Variants in VPS53 observed in about 807,000 individuals in gnomAD.
The protein encoded by VPS53 is vacuolar protein sorting-associated protein 53 homolog.
VPS53 carries 70 observed loss-of-function variants against 107.0 expected under a neutral mutation model. The ratio of observed to expected loss-of-function variants is 0.65; its 90% CI spans 0.54 to 0.80. The LOEUF (loss-of-function observed/expected upper bound fraction) is 0.80. Among genes scored for constraint, VPS53 ranks in the 30% least tolerant of loss-of-function variants. The probability of loss-of-function intolerance (pLI) is 0.00; values close to 1 mark genes in which losing one functional copy is unlikely to be tolerated. For synonymous variants in VPS53, 409 were observed against 393.3 expected, an observed-to-expected ratio of 1.04 and a Z score of -0.47; for missense variants, 917 against 1,049.4, an observed-to-expected ratio of 0.87 and a Z score of 1.74.
At position 518,282 on chromosome 17, in the gene VPS53, G is replaced by A. The variant is rs1343328508; in HGVS notation, c.*846C>T. 3 of 136,472 alleles carry A rather than the reference G, an allele frequency of 2.2e-5. No homozygotes were observed. The highest frequency in any genetic ancestry group is 9.8e-5 in the African/African-American group (3 of 30,714). 8.5% of individuals were successfully genotyped at this position (136,472 alleles called of 1,614,324 possible). A position where few individuals can be genotyped will look rare whatever the true frequency, so the allele number is the denominator to read the frequency against. The stretch of plus-strand genomic sequence containing the variant: ...CAGAGAGCCCGCGGTGGACAGGAAG[G>A]GCGGGGGGGGCGGGCAGGCTGCGTG... On this transcript the variant is annotated 3_prime_UTR_variant, in exon 22 of 22. Coordinates refer to ENST00000437048, the MANE Select transcript of VPS53 (RefSeq NM_001128159.3).
chr17:578,172 C>T (rs112085037), intron 13 of VPS53, among the ~76,000 whole-genome samples: 1,670 of 152,074 alleles, frequency 0.011, 26 homozygotes, highest in African/African-American at 0.034. Context: ...GAACCTAATG[C>T]GTTCCCAAAG....
intron 11 of VPS53, among the ~76,000 whole-genome samples, chr17:614,746 C>T (rs1345282079): frequency 6.6e-6 from 1 of 152,138 alleles, no homozygotes; most frequent in East Asian, 1.9e-4. Context: ...TTTGCAAACG[C>T]TCTTACACTC....
Position 513,291 on chromosome 17 carries a change from G to A in VPS53, c.*5837C>T, listed in dbSNP as rs375447260. On this transcript the variant is annotated 3_prime_UTR_variant, in exon 22 of 22. Coordinates refer to ENST00000437048, the MANE Select transcript of VPS53 (RefSeq NM_001128159.3). ...AACATGCAGGCAGAAATCACTTCCA[G>A]ATGGAGAAAATGAAAGCTATTTACA... is the stretch of plus-strand genomic sequence containing the variant. The A allele has an allele frequency of 6.2e-4, 95 of 152,336 alleles. No homozygotes were observed. Among genetic ancestry groups the A allele is most frequent in the African/African-American group, 2.2e-3 (91 of 41,570 alleles). The allele number at this position is 152,336 out of a possible 1,614,324, so 9.4% of individuals were successfully genotyped here.
chr17:549,261 A>G (rs945270085), intron 17 of VPS53, among the ~76,000 whole-genome samples: 12 of 152,254 alleles, frequency 7.9e-5, no homozygotes, highest in Non-Finnish European at 1.5e-4. Flanking sequence ...GCAGGCATCA[A>G]GAACACAGAA....
chr17:611,431 AAGG>A (rs781404967), intron 11 of VPS53, among the ~76,000 whole-genome samples: 21 of 152,340 alleles, frequency 1.4e-4, no homozygotes, highest in Non-Finnish European at 2.4e-4. Flanking sequence ...TAGGGGAACA[AAGG>A]AGACACGCGT....
At chr17:659,876 C>T (rs1227241954) in intron 5 of VPS53, among the ~76,000 whole-genome samples, 1 of 152,240 alleles carries the variant, frequency 6.6e-6, no homozygotes, top group Non-Finnish European at 1.5e-5. Flanking sequence ...GATCTCCCGT[C>T]ACTCCCCATC....
intron 12 of VPS53, among the ~76,000 whole-genome samples, chr17:595,907 A>C (rs1266970732): frequency 7.7e-6 from 1 of 130,152 alleles, no homozygotes; most frequent in Non-Finnish European, 1.6e-5. Flanking sequence ...CCCTGGAGGA[A>C]GCTGGGAGAT....
chr17:623,834 A>C (rs1969573106), intron 10 of VPS53, among the ~76,000 whole-genome samples, 160 bp from the exon 11 acceptor site: 1 of 152,174 alleles, frequency 6.6e-6, no homozygotes, highest in Admixed American at 6.6e-5. Context: ...TGGGGAATAG[A>C]AATACATATT....
intron 3 of VPS53, among the ~76,000 whole-genome samples, chr17:698,126 T>C (rs1973050479): frequency 1.3e-5 from 2 of 151,936 alleles, no homozygotes. Context: ...AACAGGGAAA[T>C]AAAGCCATTA....
intron 2 of VPS53, among the ~76,000 whole-genome samples, chr17:708,644 T>C (rs1214650458): frequency 6.6e-6 from 1 of 152,062 alleles, no homozygotes; most frequent in Non-Finnish European, 1.5e-5. Flanking sequence ...AGACTCCCTT[T>C]CACAGTCCGC....
intron 7 of VPS53, among the ~76,000 whole-genome samples, chr17:637,792 T>C (rs1272058998): frequency 6.6e-6 from 1 of 152,226 alleles, no homozygotes; most frequent in Non-Finnish European, 1.5e-5. Context: ...CAGTTCGTTA[T>C]AATTTCTGTT....
intron 4 of VPS53, among the ~76,000 whole-genome samples, chr17:694,857 A>G (rs1972896265): frequency 6.6e-6 from 1 of 152,066 alleles, no homozygotes; most frequent in Non-Finnish European, 1.5e-5. Flanking sequence ...AGCTTGTACT[A>G]CCACACCCAG....
chr17:698,923 G>T (rs112169410), intron 3 of VPS53, among the ~76,000 whole-genome samples: 5,496 of 151,902 alleles, frequency 0.036, 139 homozygotes, highest in East Asian at 0.071. Context: ...ATCCCAGCAC[G>T]TTGGGAGGCG....
intron 11 of VPS53, among the ~76,000 whole-genome samples, chr17:619,447 G>A (rs1179462173): frequency 1.4e-5 from 2 of 145,906 alleles, no homozygotes; most frequent in Non-Finnish European, 3.0e-5. Flanking sequence ...AATATTTTCC[G>A]GGTAGCTGGG....
intron 4 of VPS53, among the ~76,000 whole-genome samples, chr17:690,008 G>C (rs943898239): frequency 1.3e-5 from 2 of 152,116 alleles, no homozygotes; most frequent in African/African-American, 4.8e-5. Context: ...TAGAAATCCT[G>C]TTTTTTGGGT....
chr17:672,855 G>A (rs987966100), intron 4 of VPS53, among the ~76,000 whole-genome samples: 1 of 152,264 alleles, frequency 6.6e-6, no homozygotes, highest in Non-Finnish European at 1.5e-5. Context: ...GCTCACGCCT[G>A]TAATCCCAGC....
chr17:583,909 TC>T (rs1398790431), intron 13 of VPS53, among the ~76,000 whole-genome samples: 2 of 151,808 alleles, frequency 1.3e-5, no homozygotes, highest in East Asian at 3.9e-4. Flanking sequence ...CCTCATGCGT[TC>T]CCAGGGAACC....
intron 6 of VPS53, among the ~76,000 whole-genome samples, chr17:654,956 G>A: frequency 6.6e-6 from 1 of 152,258 alleles, no homozygotes; most frequent in East Asian, 1.9e-4. Flanking sequence ...CTGCTCACAG[G>A]AGAGTGGACC....
rs1354812498 is a variant in VPS53, at chr17:516,808, T to C, written c.*2320A>G. The C allele has an allele frequency of 6.6e-6, 1 of 152,278 alleles. No individual in the cohort carries two copies. The highest frequency in any genetic ancestry group is 2.4e-5 in the African/African-American group (1 of 41,460). 9.4% of individuals were successfully genotyped at this position (152,278 alleles called of 1,614,324 possible). ...CATCCATTGGTTCCTTGGGGATTAC[T>C]GACAATGTAACAAATCAAGACAGCA... is the stretch of plus-strand genomic sequence containing the variant. On this transcript the variant is annotated 3_prime_UTR_variant, in exon 22 of 22. Coordinates refer to ENST00000437048, the MANE Select transcript of VPS53 (RefSeq NM_001128159.3).
Sources: gnomAD v4.1 joint callset for allele counts (sites outside exome capture counted in the v4.1 genomes callset) on GRCh38, gnomAD v4.1.1 for gene constraint, MANE v1.5 for transcripts, NCBI Gene and HGNC (gene_info 2026-07-23, HGNC 2026-07-21) for gene names.